The following DOCK4 variants were observed in gnomAD, a reference collection of about 807,000 sequenced individuals.
DOCK4 encodes the protein dedicator of cytokinesis 4, also known as dedicator of cytokinesis protein 4.
Under a neutral mutation model 268.1 loss-of-function variants are expected in DOCK4, and 97 were observed. The observed-to-expected ratio is 0.36, with a 90% CI of 0.31 to 0.43. The LOEUF (loss-of-function observed/expected upper bound fraction) is 0.43. DOCK4 is among the 20% of genes least tolerant of loss of function. DOCK4 has a pLI of 1.00. For synonymous variants in DOCK4, 954 were observed against 887.2 expected (o/e 1.08, Z -1.34); for missense variants, 2,145 against 2,455.7 (o/e 0.87, Z 2.67).
chr7:111,765,047 A>T, intron 39 of DOCK4, 71 bp downstream of exon 39: 1 of 696,532 alleles, frequency 1.4e-6, no homozygotes, highest in East Asian at 3.3e-5. Context: ...AATGTCATTA[A>T]CATCTTAGTT....
intron 15 of DOCK4, among the ~76,000 whole-genome samples, chr7:111,899,396 C>G (rs930547946): frequency 6.6e-6 from 1 of 152,026 alleles, no homozygotes; most frequent in Admixed American, 6.5e-5. Context: ...CTAGATTCAC[C>G]AAAACTTTCT....
Position 111,784,128 on chromosome 7 carries a change from T to A in DOCK4, c.3402-5A>T. 1 of 1,574,216 alleles carries A rather than the reference T, an allele frequency of 6.4e-7. No homozygotes were observed. The highest frequency in any genetic ancestry group is 8.6e-7 in the Non-Finnish European group (1 of 1,165,640). ...TAGGGACCAAATAGTGGAATTCTAA[T>A]CCAGGAAGCATTGACAAAGCAAATT... On this transcript the variant is annotated splice_region_variant and splice_polypyrimidine_tract_variant and intron_variant, in intron 32 of 52. Coordinates refer to ENST00000428084, the MANE Select transcript of DOCK4 (RefSeq NM_001363540.2).
chr7:112,160,275 T>A (rs981965587), intron 1 of DOCK4, among the ~76,000 whole-genome samples: 1 of 152,182 alleles, frequency 6.6e-6, no homozygotes, highest in Non-Finnish European at 1.5e-5. Context: ...TCAAATGAGA[T>A]GATAAGATGT....
At chr7:112,121,534 C>CT (rs1812727575) in intron 1 of DOCK4, among the ~76,000 whole-genome samples, 1 of 152,180 alleles carries the variant, frequency 6.6e-6, no homozygotes, top group African/African-American at 2.4e-5. Context: ...GTTCAATTTT[C>CT]TTTAACTTTC....
chr7:112,173,584 G>A (rs577495813), intron 1 of DOCK4, among the ~76,000 whole-genome samples: 2 of 152,210 alleles, frequency 1.3e-5, no homozygotes, highest in East Asian at 1.9e-4. Context: ...GGGATCTAAT[G>A]TGGCTTTCCA....
rs193096891 is a variant in DOCK4, at chr7:111,943,608, T to C, written c.844+1203A>G. Among the ~76,000 whole-genome samples, 28 of 152,342 alleles carry C rather than the reference T, an allele frequency of 1.8e-4. 1 individual carries two copies. The East Asian group carries it at 5.2e-3, about 28-fold the overall frequency. On this transcript the variant is annotated intron_variant, in intron 10 of 52. Coordinates refer to ENST00000428084, the MANE Select transcript of DOCK4 (RefSeq NM_001363540.2). ...ATCCTGAGAACAGACAGGCTTTATC[T>C]CATAAGAAAACAGCAGCATGGGTTC...
chr7:111,779,203 C>T (rs922074281), intron 35 of DOCK4, among the ~76,000 whole-genome samples: 2 of 151,936 alleles, frequency 1.3e-5, no homozygotes, highest in Non-Finnish European at 2.9e-5. Flanking sequence ...TTCTGCATTT[C>T]CTATGCGTTG....
chr7:111,995,487 A>G (rs1199134491), intron 4 of DOCK4, among the ~76,000 whole-genome samples: 2 of 148,368 alleles, frequency 1.3e-5, no homozygotes, highest in Admixed American at 1.4e-4. Context: ...TTTAGTGGCT[A>G]TTACTACCAC....
At chr7:111,974,037 T>A (rs949955345) in intron 8 of DOCK4, among the ~76,000 whole-genome samples, 2 of 152,002 alleles carry the variant, frequency 1.3e-5, no homozygotes, top group Admixed American at 6.5e-5. Context: ...CAGCAAGAAC[T>A]GTTAGGAGTT....
At chr7:112,199,385 A>G (rs1820729230) in intron 1 of DOCK4, among the ~76,000 whole-genome samples, 1 of 152,200 alleles carries the variant, frequency 6.6e-6, no homozygotes, top group Non-Finnish European at 1.5e-5. Context: ...ATTACCATAC[A>G]TTCCTCAGGG....
intron 24 of DOCK4, among the ~76,000 whole-genome samples, chr7:111,846,765 G>T (rs933192339): frequency 1.3e-5 from 2 of 152,170 alleles, no homozygotes; most frequent in East Asian, 3.8e-4. Context: ...TTCTCACTCA[G>T]TATGCAGTTC....
chr7:111,982,598 C>T (rs528190086), intron 7 of DOCK4, among the ~76,000 whole-genome samples: 3 of 152,114 alleles, frequency 2.0e-5, no homozygotes, highest in Non-Finnish European at 4.4e-5. Flanking sequence ...GAGGCTTTGA[C>T]AGATTAAATA....
chr7:111,981,172 T>C (rs756863962), intron 7 of DOCK4, among the ~76,000 whole-genome samples: 1 of 152,208 alleles, frequency 6.6e-6, no homozygotes, highest in Non-Finnish European at 1.5e-5. Flanking sequence ...CAGCAACAAT[T>C]AATCAAATGT....
intron 23 of DOCK4, among the ~76,000 whole-genome samples, chr7:111,860,476 T>C (rs1805414138): frequency 6.6e-6 from 1 of 152,208 alleles, no homozygotes; most frequent in Non-Finnish European, 1.5e-5. Context: ...ACAGAAGCCT[T>C]TTCTCTGTTG....
intron 30 of DOCK4, among the ~76,000 whole-genome samples, chr7:111,796,251 T>C (rs1799887921): frequency 6.6e-6 from 1 of 152,198 alleles, no homozygotes; most frequent in Non-Finnish European, 1.5e-5. Flanking sequence ...TAGCCAGACA[T>C]ACAGCTCCAA....
At chr7:112,087,758 A>G (rs1043519265) in intron 1 of DOCK4, among the ~76,000 whole-genome samples, 1 of 152,096 alleles carries the variant, frequency 6.6e-6, no homozygotes, top group African/African-American at 2.4e-5. Context: ...CCACTCAGAA[A>G]TGGGTATCTA....
intron 1 of DOCK4, among the ~76,000 whole-genome samples, chr7:112,019,660 A>G (rs1802147643): frequency 6.6e-6 from 1 of 152,180 alleles, no homozygotes; most frequent in African/African-American, 2.4e-5. Flanking sequence ...AACATAAATA[A>G]ATAAATTTCC....
chr7:111,894,697 T>C (rs1478108455), intron 16 of DOCK4, among the ~76,000 whole-genome samples: 5 of 152,140 alleles, frequency 3.3e-5, no homozygotes, highest in African/African-American at 1.2e-4. Context: ...AACCAGAATG[T>C]GCTGGATGTG....
chr7:111,797,841 T>G lies in DOCK4; in HGVS notation c.3167-7236A>C, dbSNP rs866509871. 1.4e-4 allele frequency among the ~76,000 whole-genome samples: 21 copies of G among 152,126 alleles called. No individual in the cohort carries two copies. The South Asian group carries it at 3.1e-3, about 23-fold the overall frequency. ...CTAATAGAATACAACCCCTTACCCCTAATTCAATCAAGGGATGGCTCATTC... is the reference window on the plus strand; with the variant it reads ...CTAATAGAATACAACCCCTTACCCCGAATTCAATCAAGGGATGGCTCATTC... On this transcript the variant is annotated intron_variant, in intron 30 of 52. Transcript: ENST00000428084.
Sources: allele counts gnomAD v4.1 joint callset (sites outside exome capture counted in the v4.1 genomes callset), GRCh38; gene constraint gnomAD v4.1.1; transcripts MANE v1.5; gene names NCBI Gene and HGNC (gene_info 2026-07-23, HGNC 2026-07-21).